The following GULP1 variants were observed in gnomAD, a reference collection of about 807,000 sequenced individuals.
GULP1 encodes PTB domain-containing engulfment adapter protein 1.
Under a neutral mutation model 40.9 loss-of-function variants are expected in GULP1, and 19 were observed. The observed-to-expected ratio is 0.46, with a 90% CI of 0.32 to 0.68. The LOEUF (loss-of-function observed/expected upper bound fraction) is 0.68, where lower values mean the gene tolerates loss of function less well. GULP1 is among the 30% of genes least tolerant of loss of function. The probability of loss-of-function intolerance (pLI) is 0.03; values close to 1 mark genes in which losing one functional copy is unlikely to be tolerated. For missense variants in GULP1, 312 were observed against 362.2 expected, an observed-to-expected ratio of 0.86 and a Z score of 1.12; for synonymous variants, 119 against 117.6, an observed-to-expected ratio of 1.01 and a Z score of -0.08.
At chr2:188,539,025 G>A (rs926348991) in intron 6 of GULP1, among the ~76,000 whole-genome samples, 2 of 151,880 alleles carry the variant, frequency 1.3e-5, no homozygotes, top group Admixed American at 6.6e-5. Context: ...AATGAAAATG[G>A]AAAGTGAAAA....
chr2:188,568,808 C>G (rs72896889), intron 7 of GULP1, among the ~76,000 whole-genome samples: 18,992 of 152,142 alleles, frequency 0.12, 1,533 homozygotes, highest in Non-Finnish European at 0.19. Context: ...TTTAACAAAC[C>G]CTCCTCACAA....
intron 1 of GULP1, among the ~76,000 whole-genome samples, chr2:188,336,529 T>G (rs1184498539): frequency 1.3e-5 from 2 of 150,744 alleles, no homozygotes; most frequent in African/African-American, 4.8e-5. Context: ...ATAAACATAT[T>G]AAATAAAATC....
intron 7 of GULP1, among the ~76,000 whole-genome samples, chr2:188,548,604 G>A (rs1692586966): frequency 1.3e-5 from 2 of 151,994 alleles, no homozygotes; most frequent in Non-Finnish European, 2.9e-5. Context: ...AAAAGCAGAG[G>A]AACTGGAATC....
intron 2 of GULP1, among the ~76,000 whole-genome samples, chr2:188,469,593 G>T (rs148422500): frequency 6.6e-6 from 1 of 152,230 alleles, no homozygotes; most frequent in East Asian, 1.9e-4. Flanking sequence ...GAGCAAGAGA[G>T]AGTGAATAGC....
chr2:188,463,955 G>C (rs1238249843), intron 2 of GULP1, among the ~76,000 whole-genome samples: 1 of 151,874 alleles, frequency 6.6e-6, no homozygotes, highest in East Asian at 1.9e-4. Context: ...TTCAGATATT[G>C]TGAATTCTCT....
intron 2 of GULP1, among the ~76,000 whole-genome samples, chr2:188,469,121 A>G (rs1170654001): frequency 1.3e-5 from 2 of 152,178 alleles, no homozygotes; most frequent in Non-Finnish European, 2.9e-5. Flanking sequence ...GGGAAGGCGT[A>G]AAGCTTAACT....
At chr2:188,500,111 G>A (rs1288074893) in intron 4 of GULP1, among the ~76,000 whole-genome samples, 1 of 151,822 alleles carries the variant, frequency 6.6e-6, no homozygotes, top group Admixed American at 6.6e-5. Context: ...TGAATATGCA[G>A]AATTAATCTT....
At chr2:188,426,313 T>C (rs2056191850) in intron 2 of GULP1, among the ~76,000 whole-genome samples, 1 of 152,064 alleles carries the variant, frequency 6.6e-6, no homozygotes, top group Admixed American at 6.6e-5. Flanking sequence ...AAGACTCTAG[T>C]TGTGAAAATT....
intron 1 of GULP1, among the ~76,000 whole-genome samples, chr2:188,366,526 G>A (rs1399391119): frequency 6.7e-6 from 1 of 150,118 alleles, no homozygotes; most frequent in Admixed American, 6.6e-5. Flanking sequence ...TTGCATGTCT[G>A]TCTATCTACA....
At chr2:188,430,492 C>A (rs2056741196) in intron 2 of GULP1, among the ~76,000 whole-genome samples, 1 of 152,112 alleles carries the variant, frequency 6.6e-6, no homozygotes, top group Non-Finnish European at 1.5e-5. Context: ...GTCATAGAGC[C>A]CTTAAGCAAG....
At chr2:188,527,059 C>A (rs185415490) in intron 5 of GULP1, among the ~76,000 whole-genome samples, 50 of 152,170 alleles carry the variant, frequency 3.3e-4, no homozygotes, top group African/African-American at 1.2e-3. Context: ...CCCTCTCTTC[C>A]TTTCTTCCTC....
intron 1 of GULP1, among the ~76,000 whole-genome samples, chr2:188,311,155 A>G (rs1430821739): frequency 2.6e-5 from 4 of 152,142 alleles, no homozygotes; most frequent in African/African-American, 9.7e-5. Context: ...ATTATGCCCA[A>G]TTCCCCAAAT....
intron 7 of GULP1, among the ~76,000 whole-genome samples, chr2:188,559,526 T>G (rs1474280197): frequency 1.3e-5 from 2 of 152,216 alleles, no homozygotes; most frequent in African/African-American, 4.8e-5. Context: ...ACTGGGGCAC[T>G]GCCTAGGGGA....
chr2:188,495,703 T>C (rs2062832673), intron 4 of GULP1, among the ~76,000 whole-genome samples: 1 of 152,034 alleles, frequency 6.6e-6, no homozygotes, highest in Non-Finnish European at 1.5e-5. Context: ...ATACCTTCTT[T>C]ATAGAGCTTT....
rs142824568 is a variant in GULP1, at chr2:188,514,360, A to G, written c.91-8396A>G. ...AACTGTTGTTTATATCGGTTAGCCT[A>G]TGGTAAAATTGGTTGTGTTATATGT... is the stretch of plus-strand genomic sequence containing the variant. On this transcript the variant is annotated intron_variant, in intron 4 of 11. Coordinates refer to ENST00000409830, the MANE Select transcript of GULP1 (RefSeq NM_016315.4). Among the ~76,000 whole-genome samples, 120 of 152,268 alleles carry G rather than the reference A, an allele frequency of 7.9e-4. 1 individual carries two copies. The East Asian group carries it at 0.018, about 22-fold the overall frequency.
At chr2:188,314,012 AC>A (rs1249243770) in intron 1 of GULP1, among the ~76,000 whole-genome samples, 2 of 151,880 alleles carry the variant, frequency 1.3e-5, no homozygotes, top group Admixed American at 6.6e-5. Flanking sequence ...TAAAAAAAAA[AC>A]AAAATACATA....
chr2:188,336,449 T>G (rs1374263991), intron 1 of GULP1, among the ~76,000 whole-genome samples: 1 of 152,208 alleles, frequency 6.6e-6, no homozygotes, highest in African/African-American at 2.4e-5. Flanking sequence ...GTGCTGAAGA[T>G]ACAGCATCAA....
chr2:188,368,372 G>A (rs1039909758), intron 1 of GULP1, among the ~76,000 whole-genome samples: 9 of 151,996 alleles, frequency 5.9e-5, no homozygotes, highest in African/African-American at 2.2e-4. Flanking sequence ...CTTGAGGTCG[G>A]GAGTTCGAGA....
intron 6 of GULP1, among the ~76,000 whole-genome samples, chr2:188,530,630 G>A (rs907482927): frequency 6.6e-6 from 1 of 152,278 alleles, no homozygotes. Flanking sequence ...CGTGAAGGCA[G>A]CAATCTGCAA....
Sources: allele counts gnomAD v4.1 joint callset (sites outside exome capture counted in the v4.1 genomes callset), GRCh38; gene constraint gnomAD v4.1.1; transcripts MANE v1.5; gene names NCBI Gene and HGNC (gene_info 2026-07-23, HGNC 2026-07-21).